ZBBX: variants seen among roughly 807,000 people sequenced by gnomAD.
ZBBX encodes the protein zinc finger B-box domain-containing protein 1.
A neutral mutation model predicts 108.5 loss-of-function variants in ZBBX; 101 were observed. The ratio of observed to expected loss-of-function variants is 0.93; its 90% CI spans 0.79 to 1.10. The LOEUF is 1.10. ZBBX is among the 50% of genes least tolerant of loss of function. ZBBX has a pLI of 0.00. For missense variants in ZBBX, 1,009 were observed against 941.4 expected, an observed-to-expected ratio of 1.07 and a Z score of -0.94; for synonymous variants, 356 against 323.4, an observed-to-expected ratio of 1.10 and a Z score of -1.08.
chr3:167,351,412 GC>G (rs1287135564), intron 8 of ZBBX, among the ~76,000 whole-genome samples: 1 of 152,110 alleles, frequency 6.6e-6, no homozygotes, highest in African/African-American at 2.4e-5. Flanking sequence ...CAAATAGATT[GC>G]CTGAGAGAGA....
At chr3:167,337,903 C>T (rs1490630016) in intron 9 of ZBBX, among the ~76,000 whole-genome samples, 1 of 152,004 alleles carries the variant, frequency 6.6e-6, no homozygotes, top group African/African-American at 2.4e-5. Flanking sequence ...AATGTTAAAA[C>T]TCAACCTAAA....
At chr3:167,266,202 C>T (rs1312658186) in intron 20 of ZBBX, among the ~76,000 whole-genome samples, 2 of 152,070 alleles carry the variant, frequency 1.3e-5, no homozygotes, top group African/African-American at 4.8e-5. Flanking sequence ...CCTTTTTTCT[C>T]AACTTTTGAA....
chr3:167,250,080 G>A (rs998870420), intron 20 of ZBBX, among the ~76,000 whole-genome samples: 3 of 152,170 alleles, frequency 2.0e-5, no homozygotes, highest in African/African-American at 7.2e-5. Context: ...ATTCAGTCGA[G>A]AACAGCTAAT....
chr3:167,204,191 T>G, the ZBBX span, among the ~76,000 whole-genome samples: 4 of 128,126 alleles, frequency 3.1e-5, no homozygotes, highest in East Asian at 8.3e-4. Context: ...ATCAATTTTC[T>G]TTTTTTCTTT....
chr3:167,272,327 G>T (rs1190820513), intron 20 of ZBBX, among the ~76,000 whole-genome samples: 2 of 152,094 alleles, frequency 1.3e-5, no homozygotes. Context: ...AAAGCCAAAG[G>T]TCTCATGGTA....
At chr3:167,369,628 C>A (rs1042742049) in intron 4 of ZBBX, among the ~76,000 whole-genome samples, 1 of 152,148 alleles carries the variant, frequency 6.6e-6, no homozygotes, top group Non-Finnish European at 1.5e-5. Context: ...ATGTGAAATA[C>A]AATGGAGCTT....
At chr3:167,399,925 T>C (rs957056825) in intron 1 of ZBBX, among the ~76,000 whole-genome samples, 3 of 152,176 alleles carry the variant, frequency 2.0e-5, no homozygotes, top group African/African-American at 7.2e-5. Flanking sequence ...GTACTCAGTG[T>C]TGAGTTCTCA....
At chr3:167,374,683 G>A (rs76403309) in intron 2 of ZBBX, among the ~76,000 whole-genome samples, 2 of 152,010 alleles carry the variant, frequency 1.3e-5, no homozygotes, top group Admixed American at 1.3e-4. Context: ...AGCTCAAATG[G>A]TTTAGAGTCA....
intron 12 of ZBBX, among the ~76,000 whole-genome samples, chr3:167,320,302 A>G (rs903736611): frequency 6.6e-6 from 1 of 151,846 alleles, no homozygotes; most frequent in Non-Finnish European, 1.5e-5. Flanking sequence ...TCAACCCGAC[A>G]GAGTCCACAA....
rs75694428 is a variant in ZBBX, at chr3:167,253,099, T to C, written c.2255-10456A>G. ...ATTGACTTTTTCCTCTAACCCCTATTAAATAAATAGAAAAAGCAGAATAAT... is the reference window on the plus strand; with the variant it reads ...ATTGACTTTTTCCTCTAACCCCTATCAAATAAATAGAAAAAGCAGAATAAT... On this transcript the variant is annotated intron_variant, in intron 20 of 21. Coordinates refer to ENST00000675490, the MANE Select transcript of ZBBX (RefSeq NM_001199201.2). Among the ~76,000 whole-genome samples, 1,070 of 152,228 alleles carry C rather than the reference T, an allele frequency of 7.0e-3. 11 individuals carry two copies. The highest frequency in any genetic ancestry group is 0.011 in the Non-Finnish European group (767 of 68,008).
intron 2 of ZBBX, among the ~76,000 whole-genome samples, chr3:167,376,788 T>C (rs964381562): frequency 4.6e-5 from 7 of 152,200 alleles, no homozygotes; most frequent in African/African-American, 1.7e-4. Context: ...CTACATAAGC[T>C]AATTTCCTTG....
chr3:167,294,555 T>C (rs778654687), intron 18 of ZBBX, among the ~76,000 whole-genome samples: 21 of 152,126 alleles, frequency 1.4e-4, no homozygotes, highest in Non-Finnish European at 2.9e-5. Flanking sequence ...TCAAGATAGG[T>C]TAAAGATTTA....
chr3:167,393,728 T>C lies in ZBBX; in HGVS notation c.-445-13323A>G, dbSNP rs551747008. Among the ~76,000 whole-genome samples the C allele has an allele frequency of 3.9e-5, 6 of 152,036 alleles. No individual in the cohort carries two copies. The South Asian group carries it at 1.2e-3, about 31-fold the overall frequency. ...TGTCCATAATAGCAAACCAAGTTAATGGAAAAGGTGGAAGTAAAATGCAAT... is the reference window on the plus strand; with the variant it reads ...TGTCCATAATAGCAAACCAAGTTAACGGAAAAGGTGGAAGTAAAATGCAAT... On this transcript the variant is annotated intron_variant, in intron 1 of 21. Transcript: ENST00000455345.
intron 20 of ZBBX, among the ~76,000 whole-genome samples, chr3:167,246,017 T>TG (rs1270672030): frequency 6.6e-6 from 1 of 152,146 alleles, no homozygotes; most frequent in Non-Finnish European, 1.5e-5. Flanking sequence ...GCTATACATT[T>TG]GGGGGAGACC....
rs773591189 is a variant in ZBBX, at chr3:167,372,941, G to T, written c.-40C>A. The stretch of plus-strand genomic sequence containing the variant: ...TATTGTCTAAAAGTTATTCTGATTT[G>T]TAAACACTTCTGTAAAAGTAACAAA... On this transcript the variant is annotated 5_prime_UTR_variant, in exon 4 of 22. Coordinates refer to ENST00000675490, the MANE Select transcript of ZBBX (RefSeq NM_001199201.2). 1 of 1,476,760 alleles carries T rather than the reference G, an allele frequency of 6.8e-7. No homozygotes were observed. Among genetic ancestry groups the T allele is most frequent in the Non-Finnish European group, 9.2e-7 (1 of 1,086,050 alleles). The allele number at this position is 1,476,760 out of a possible 1,614,324, so 91.5% of individuals were successfully genotyped here. A position where few individuals can be genotyped will look rare whatever the true frequency, so the allele number is the denominator to read the frequency against.
intron 17 of ZBBX, among the ~76,000 whole-genome samples, chr3:167,300,328 T>TA: frequency 1.3e-5 from 2 of 152,038 alleles, no homozygotes; most frequent in African/African-American, 4.8e-5. Flanking sequence ...TTTATTACTG[T>TA]CCAGGACTAC....
At chr3:167,347,702 C>A (rs1323223394) in intron 9 of ZBBX, among the ~76,000 whole-genome samples, 1 of 151,882 alleles carries the variant, frequency 6.6e-6, no homozygotes, top group Non-Finnish European at 1.5e-5. Context: ...GGTTTAGCTC[C>A]CAGCACAGGA....
chr3:167,401,376 G>C (rs543499215), intron 1 of ZBBX: 1 of 152,110 alleles, frequency 6.6e-6, no homozygotes, highest in African/African-American at 2.4e-5. Flanking sequence ...AGGGCTCTTG[G>C]ATCTCGTGTA....
At chr3:167,274,101 C>A (rs751919376) in intron 20 of ZBBX, among the ~76,000 whole-genome samples, 1 of 152,162 alleles carries the variant, frequency 6.6e-6, no homozygotes, top group African/African-American at 2.4e-5. Flanking sequence ...ATGATCAAAA[C>A]CCAATGTTGT....
Sources: gnomAD v4.1 joint callset for allele counts (sites outside exome capture counted in the v4.1 genomes callset) on GRCh38, gnomAD v4.1.1 for gene constraint, MANE v1.5 for transcripts, NCBI Gene and HGNC (gene_info 2026-07-23, HGNC 2026-07-21) for gene names.